Variants in CPQ observed in about 807,000 individuals in gnomAD.
CPQ encodes Ser-Met dipeptidase.
A neutral mutation model predicts 45.7 loss-of-function variants in CPQ; 37 were observed. The observed-to-expected ratio is 0.81, with a 90% CI of 0.62 to 1.07. The LOEUF is 1.07. Ranked by LOEUF, CPQ falls within the 50% of genes least tolerant of loss-of-function variation. The pLI is 0.00. For synonymous variants in CPQ, 186 were observed against 205.8 expected (o/e 0.90, Z 0.82); for missense variants, 537 against 572.9 (o/e 0.94, Z 0.64).
intron 1 of CPQ, among the ~76,000 whole-genome samples, chr8:96,656,563 T>C (rs932123636): frequency 6.6e-6 from 1 of 152,146 alleles, no homozygotes; most frequent in African/African-American, 2.4e-5. Flanking sequence ...GGCAGGGCCT[T>C]AGAGTGGGCT....
chr8:96,733,701 T>C (rs1412063785), intron 1 of CPQ, among the ~76,000 whole-genome samples: 1 of 152,198 alleles, frequency 6.6e-6, no homozygotes, highest in Non-Finnish European at 1.5e-5. Context: ...CATGTAATCG[T>C]GTAAATAATG....
At chr8:96,713,283 C>T (rs934364934) in intron 1 of CPQ, among the ~76,000 whole-genome samples, 4 of 152,214 alleles carry the variant, frequency 2.6e-5, no homozygotes, top group African/African-American at 7.2e-5. Context: ...CAAAACTGTT[C>T]CAACCTCTGC....
intron 4 of CPQ, among the ~76,000 whole-genome samples, chr8:96,965,615 C>T (rs1332545005): frequency 3.9e-5 from 6 of 152,022 alleles, no homozygotes; most frequent in South Asian, 2.1e-4. Flanking sequence ...GTGATCCACC[C>T]GCCTCGGCCT....
At chr8:96,989,882 C>G (rs1008455658) in intron 5 of CPQ, among the ~76,000 whole-genome samples, 2 of 152,044 alleles carry the variant, frequency 1.3e-5, no homozygotes, top group Non-Finnish European at 2.9e-5. Context: ...TAAACTGAAA[C>G]TCAGAGAGAA....
chr8:96,732,851 GCCATTGAAAGGCTATGC>G, intron 1 of CPQ, among the ~76,000 whole-genome samples: 1 of 152,118 alleles, frequency 6.6e-6, no homozygotes, highest in Non-Finnish European at 1.5e-5. Context: ...TCCACAACTT[GCCATTGAAAGGCTATGC>G]CCTTTAGAAT....
At chr8:97,050,092 T>C (rs918169019) in intron 6 of CPQ, among the ~76,000 whole-genome samples, 2 of 152,216 alleles carry the variant, frequency 1.3e-5, no homozygotes, top group Non-Finnish European at 2.9e-5. Context: ...GCCTCCATGA[T>C]TCATGGCTGG....
intron 7 of CPQ, among the ~76,000 whole-genome samples, chr8:97,070,970 CTCTT>C (rs769859097): frequency 7.2e-4 from 110 of 152,290 alleles, no homozygotes; most frequent in Middle Eastern, 3.4e-3. Context: ...TCTTTAGAAA[CTCTT>C]TCACAAAATA....
intron 4 of CPQ, among the ~76,000 whole-genome samples, chr8:96,914,132 T>G (rs1025253450): frequency 1.3e-5 from 2 of 152,188 alleles, no homozygotes; most frequent in African/African-American, 4.8e-5. Flanking sequence ...TATTGAGTAC[T>G]TTCAATATGT....
chr8:96,794,347 T>C (rs546109359), intron 2 of CPQ, among the ~76,000 whole-genome samples: 2 of 152,288 alleles, frequency 1.3e-5, no homozygotes, highest in South Asian at 4.1e-4. Context: ...TCTGAAGCCG[T>C]GGTTCAGATT....
At position 97,069,726 on chromosome 8, in the gene CPQ, C is replaced by T. The variant is rs188367989; in HGVS notation, c.1255+3516C>T. ...CTAAATAATATTTCTAAACTCCATC[C>T]TTTTTTCTTTCTTTTTTTCTTTCAC... On this transcript the variant is annotated intron_variant, in intron 7 of 7. Coordinates refer to ENST00000220763, the MANE Select transcript of CPQ (RefSeq NM_016134.4). Among the ~76,000 whole-genome samples the T allele has an allele frequency of 6.4e-3, 972 of 152,118 alleles. 4 individuals are homozygous for T. Among genetic ancestry groups the T allele is most frequent in the African/African-American group, 0.022 (895 of 41,508 alleles).
intron 4 of CPQ, among the ~76,000 whole-genome samples, chr8:96,922,878 T>C (rs770498252): frequency 1.5e-4 from 23 of 152,354 alleles, no homozygotes; most frequent in Non-Finnish European, 2.8e-4. Context: ...TGGTTTTGAT[T>C]TGACCATTGT....
At chr8:97,102,982 C>T (rs1185817701) in intron 7 of CPQ, among the ~76,000 whole-genome samples, 2 of 152,102 alleles carry the variant, frequency 1.3e-5, no homozygotes, top group African/African-American at 4.8e-5. Flanking sequence ...TATTTCCTTG[C>T]CTTCTAGTGC....
chr8:96,662,959 C>T (rs1364974172), intron 1 of CPQ, among the ~76,000 whole-genome samples: 2 of 152,188 alleles, frequency 1.3e-5, no homozygotes, highest in African/African-American at 4.8e-5. Context: ...AGCACTCCAG[C>T]CTGAGCTACA....
At chr8:96,917,949 G>A (rs1812753861) in intron 4 of CPQ, among the ~76,000 whole-genome samples, 1 of 152,102 alleles carries the variant, frequency 6.6e-6, no homozygotes, top group South Asian at 2.1e-4. Flanking sequence ...ATCAACTAGA[G>A]TACAGTGCTT....
At chr8:96,955,420 C>T (rs1269459460) in intron 4 of CPQ, among the ~76,000 whole-genome samples, 1 of 152,080 alleles carries the variant, frequency 6.6e-6, no homozygotes, top group Non-Finnish European at 1.5e-5. Context: ...CTGTTCATAT[C>T]CTTCTACCAC....
chr8:96,883,833 A>G (rs561977091), intron 4 of CPQ, among the ~76,000 whole-genome samples: 1 of 152,298 alleles, frequency 6.6e-6, no homozygotes, highest in South Asian at 2.1e-4. Flanking sequence ...ATGCCCTGAG[A>G]GCAGGCACTC....
At chr8:97,030,120 G>T (rs545339582) in intron 6 of CPQ, among the ~76,000 whole-genome samples, 1 of 152,220 alleles carries the variant, frequency 6.6e-6, no homozygotes, top group East Asian at 1.9e-4. Flanking sequence ...AGCAAATTTT[G>T]AGACAGCAAA....
At chr8:97,009,110 G>C (rs557142893) in intron 5 of CPQ, among the ~76,000 whole-genome samples, 1 of 152,168 alleles carries the variant, frequency 6.6e-6, no homozygotes, top group African/African-American at 2.4e-5. Context: ...CTTTACATAC[G>C]TGGCAGAATC....
chr8:96,897,490 T>C (rs530112982), intron 4 of CPQ, among the ~76,000 whole-genome samples: 1 of 152,260 alleles, frequency 6.6e-6, no homozygotes, highest in Admixed American at 6.5e-5. Context: ...TTGAAACTTT[T>C]TGAGTACCAA....
Sources: gnomAD v4.1 joint callset for allele counts (sites outside exome capture counted in the v4.1 genomes callset) on GRCh38, gnomAD v4.1.1 for gene constraint, MANE v1.5 for transcripts, NCBI Gene and HGNC (gene_info 2026-07-23, HGNC 2026-07-21) for gene names.